Variants in KHDRBS2 observed in about 807,000 individuals in gnomAD.
KHDRBS2 encodes the protein KH domain-containing, RNA-binding, signal transduction-associated protein 2.
Under a neutral mutation model 44.3 loss-of-function variants are expected in KHDRBS2, and 26 were observed. The ratio of observed to expected loss-of-function variants is 0.59; its 90% confidence interval spans 0.43 to 0.81. KHDRBS2 has a LOEUF of 0.81. Among genes scored for constraint, KHDRBS2 ranks in the 40% least tolerant of loss-of-function variants. The pLI is 0.00. For missense variants in KHDRBS2, 476 were observed against 433.1 expected, an observed-to-expected ratio of 1.10 and a Z score of -0.88; for synonymous variants, 194 against 151.1, an observed-to-expected ratio of 1.28 and a Z score of -2.08.
At chr6:61,914,747 T>C (rs1372578087) in intron 4 of KHDRBS2, among the ~76,000 whole-genome samples, 2 of 152,254 alleles carry the variant, frequency 1.3e-5, no homozygotes, top group South Asian at 2.1e-4. Flanking sequence ...CTTCTGTAGA[T>C]AGCCTGTCTT....
chr6:61,981,311 A>G (rs1773794622), intron 3 of KHDRBS2, among the ~76,000 whole-genome samples: 1 of 152,216 alleles, frequency 6.6e-6, no homozygotes, highest in Non-Finnish European at 1.5e-5. Context: ...TGCCCTTAAT[A>G]AGAAATTATA....
chr6:61,824,078 A>G (rs1233832437), intron 6 of KHDRBS2, among the ~76,000 whole-genome samples: 1 of 152,156 alleles, frequency 6.6e-6, no homozygotes, highest in Non-Finnish European at 1.5e-5. Flanking sequence ...AAAAGTTCAA[A>G]GAGTATTGTC....
chr6:62,102,313 G>T (rs1191219207), intron 2 of KHDRBS2, among the ~76,000 whole-genome samples: 1 of 152,144 alleles, frequency 6.6e-6, no homozygotes, highest in Non-Finnish European at 1.5e-5. Flanking sequence ...ATTTATAAAG[G>T]AAACAGGGTC....
intron 1 of KHDRBS2, among the ~76,000 whole-genome samples, chr6:62,203,000 T>C (rs1358785377): frequency 6.6e-6 from 1 of 152,142 alleles, no homozygotes; most frequent in Non-Finnish European, 1.5e-5. Context: ...TCTGAGGACA[T>C]GAATGTTTGC....
At chr6:61,636,772 C>G in the KHDRBS2 span, among the ~76,000 whole-genome samples, 1 of 152,020 alleles carries the variant, frequency 6.6e-6, no homozygotes, top group Non-Finnish European at 1.5e-5. Flanking sequence ...CTATTTCAAA[C>G]CTGCCTATAA....
intron 2 of KHDRBS2, among the ~76,000 whole-genome samples, chr6:62,102,314 A>C (rs181016268): frequency 6.6e-6 from 1 of 152,180 alleles, no homozygotes; most frequent in Non-Finnish European, 1.5e-5. Context: ...TTTATAAAGG[A>C]AACAGGGTCA....
At chr6:62,058,205 T>A (rs1790740003) in intron 2 of KHDRBS2, among the ~76,000 whole-genome samples, 1 of 151,880 alleles carries the variant, frequency 6.6e-6, no homozygotes, top group Non-Finnish European at 1.5e-5. Context: ...GTATCTGCTA[T>A]GTGATGCAAG....
At chr6:62,001,245 G>C (rs895911797) in intron 3 of KHDRBS2, among the ~76,000 whole-genome samples, 1 of 152,102 alleles carries the variant, frequency 6.6e-6, no homozygotes, top group South Asian at 2.1e-4. Context: ...AGTAGTCTCA[G>C]GGTTAAAGTT....
chr6:62,133,182 G>GT (rs1401029946), intron 2 of KHDRBS2, among the ~76,000 whole-genome samples: 1 of 152,094 alleles, frequency 6.6e-6, no homozygotes, highest in African/African-American at 2.4e-5. Context: ...ATGTAGATTG[G>GT]TGATATGGTT....
At chr6:61,853,997 C>A (rs1467363078) in intron 6 of KHDRBS2, among the ~76,000 whole-genome samples, 1 of 152,172 alleles carries the variant, frequency 6.6e-6, no homozygotes, top group African/African-American at 2.4e-5. Context: ...TACCTAGCTG[C>A]AAGGGAGTCT....
chr6:62,052,639 G>C (rs1158883040), intron 2 of KHDRBS2, among the ~76,000 whole-genome samples: 1 of 134,284 alleles, frequency 7.4e-6, no homozygotes, highest in Admixed American at 7.6e-5. Flanking sequence ...TGGGGTGGAG[G>C]AGGGTGGGGG....
chr6:61,575,135 C>G, the KHDRBS2 span, among the ~76,000 whole-genome samples: 1 of 152,138 alleles, frequency 6.6e-6, no homozygotes, highest in Admixed American at 6.6e-5. Flanking sequence ...AACTAAAAAG[C>G]TTCTGCACAG....
intron 6 of KHDRBS2, among the ~76,000 whole-genome samples, chr6:61,818,428 T>TA (rs1789340199): frequency 6.6e-6 from 1 of 151,946 alleles, no homozygotes; most frequent in Admixed American, 6.6e-5. Context: ...GCACCAATGC[T>TA]AAAAAATTGG....
At chr6:62,079,206 A>T (rs544321575) in intron 2 of KHDRBS2, among the ~76,000 whole-genome samples, 2 of 152,114 alleles carry the variant, frequency 1.3e-5, no homozygotes, top group South Asian at 4.1e-4. Context: ...TTTATTTATC[A>T]TGCTGTTTTG....
At chr6:61,958,577 A>G (rs1474873314) in intron 4 of KHDRBS2, among the ~76,000 whole-genome samples, 2 of 152,142 alleles carry the variant, frequency 1.3e-5, no homozygotes, top group African/African-American at 2.4e-5. Context: ...ATCCATTGTA[A>G]TCATCACACC....
Position 62,069,918 on chromosome 6 carries a change from C to T in KHDRBS2, c.220-21924G>A, listed in dbSNP as rs189688146. Among the ~76,000 whole-genome samples the T allele has an allele frequency of 5.7e-4, 87 of 151,858 alleles. 1 individual carries two copies. The highest frequency in any genetic ancestry group is 3.4e-3 in the Middle Eastern group (1 of 290). On this transcript the variant is annotated intron_variant, in intron 2 of 8. Transcript: ENST00000281156. ...AAATGATAAAGTACACTAGTATCTACATACATTTTATGCATTGATGGATAC... is the reference window on the plus strand; with the variant it reads ...AAATGATAAAGTACACTAGTATCTATATACATTTTATGCATTGATGGATAC...
intron 6 of KHDRBS2, among the ~76,000 whole-genome samples, chr6:61,746,049 TTTAGTTTAG>T (rs748342628): frequency 0.029 from 3,775 of 129,912 alleles, 85 homozygotes; most frequent in Middle Eastern, 0.091. Flanking sequence ...TTTATTTTAG[TTTAGTTTAG>T]TTTAGTTTAG....
intron 2 of KHDRBS2, among the ~76,000 whole-genome samples, chr6:62,076,134 C>A (rs1796291662): frequency 2.0e-5 from 3 of 151,902 alleles, no homozygotes; most frequent in Admixed American, 1.3e-4. Flanking sequence ...TTTCTGTCAG[C>A]CCTAGCATAG....
chr6:62,163,664 G>T (rs1818103757), intron 2 of KHDRBS2, among the ~76,000 whole-genome samples: 1 of 151,894 alleles, frequency 6.6e-6, no homozygotes, highest in East Asian at 1.9e-4. Flanking sequence ...AAAAGAAAGT[G>T]AATTATACAA....
Sources: gnomAD v4.1 joint callset for allele counts (sites outside exome capture counted in the v4.1 genomes callset) on GRCh38, gnomAD v4.1.1 for gene constraint, MANE v1.5 for transcripts, NCBI Gene and HGNC (gene_info 2026-07-23, HGNC 2026-07-21) for gene names.